L3MBTL4: variants seen among roughly 807,000 people sequenced by gnomAD.
L3MBTL4 encodes the protein L3MBTL histone methyl-lysine binding protein 4.
L3MBTL4 carries 70 observed loss-of-function variants against 84.5 expected under a neutral mutation model. That is an observed-to-expected ratio of 0.83 (90% CI 0.68 to 1.01). The LOEUF is 1.01. Among genes scored for constraint, L3MBTL4 ranks in the 50% least tolerant of loss-of-function variants. L3MBTL4 has a pLI of 0.00. For missense variants in L3MBTL4, 715 were observed against 754.8 expected (o/e 0.95, Z 0.62); for synonymous variants, 274 against 259.8 (o/e 1.05, Z -0.52).
At chr18:6,017,386 C>T (rs1188846960) in intron 16 of L3MBTL4, among the ~76,000 whole-genome samples, 2 of 152,196 alleles carry the variant, frequency 1.3e-5, no homozygotes, top group African/African-American at 4.8e-5. Context: ...TTGACACTGA[C>T]GCTGAGTCAC....
At chr18:6,106,612 G>A (rs1301680117) in intron 14 of L3MBTL4, among the ~76,000 whole-genome samples, 1 of 152,188 alleles carries the variant, frequency 6.6e-6, no homozygotes, top group Non-Finnish European at 1.5e-5. Flanking sequence ...GAAGAAAATA[G>A]AGAAGAGAGA....
intron 4 of L3MBTL4, among the ~76,000 whole-genome samples, chr18:6,292,280 GT>G (rs1228639953): frequency 6.6e-6 from 1 of 152,052 alleles, no homozygotes; most frequent in African/African-American, 2.4e-5. Flanking sequence ...TAGGTTTGAG[GT>G]TTTGAATTAT....
At chr18:6,303,585 G>A (rs1468332437) in intron 3 of L3MBTL4, among the ~76,000 whole-genome samples, 1 of 152,122 alleles carries the variant, frequency 6.6e-6, no homozygotes, top group Non-Finnish European at 1.5e-5. Context: ...ATAGTTTTGG[G>A]ATAGATCTTT....
intron 1 of L3MBTL4, among the ~76,000 whole-genome samples, chr18:6,325,348 A>C (rs1006586921): frequency 6.6e-6 from 1 of 152,172 alleles, no homozygotes; most frequent in African/African-American, 2.4e-5. Context: ...AAGCCAAAAG[A>C]CTATATACTA....
chr18:6,257,529 G>A (rs1000231248), intron 5 of L3MBTL4, among the ~76,000 whole-genome samples: 2 of 152,040 alleles, frequency 1.3e-5, no homozygotes, highest in Non-Finnish European at 2.9e-5. Context: ...AGATGAGTTA[G>A]GGAGGAAAAT....
At chr18:6,380,460 A>G (rs1223978216) in intron 1 of L3MBTL4, among the ~76,000 whole-genome samples, 1 of 152,162 alleles carries the variant, frequency 6.6e-6, no homozygotes, top group Non-Finnish European at 1.5e-5. Flanking sequence ...ATTTAGTGCT[A>G]TACATTTCCC....
chr18:6,196,307 G>A (rs7506138), intron 12 of L3MBTL4, among the ~76,000 whole-genome samples: 2,218 of 151,940 alleles, frequency 0.015, 26 homozygotes, highest in African/African-American at 0.031. Context: ...ACAGGCGCCC[G>A]CCACCACGCC....
intron 16 of L3MBTL4, among the ~76,000 whole-genome samples, chr18:6,070,609 G>A (rs1317017621): frequency 6.6e-6 from 1 of 151,186 alleles, no homozygotes; most frequent in African/African-American, 2.4e-5. Flanking sequence ...TTGAACCCAG[G>A]AGTTTGAGAA....
intron 12 of L3MBTL4, among the ~76,000 whole-genome samples, chr18:6,193,802 G>A (rs2045244753): frequency 6.6e-6 from 1 of 152,144 alleles, no homozygotes; most frequent in South Asian, 2.1e-4. Context: ...CATAGTCCAG[G>A]CATATGGGCC....
chr18:6,265,332 G>A (rs2048583984), intron 4 of L3MBTL4, among the ~76,000 whole-genome samples: 1 of 152,034 alleles, frequency 6.6e-6, no homozygotes. Context: ...AACAAAAGCT[G>A]GCAAAAAGGA....
At position 5,963,783 on chromosome 18, in the gene L3MBTL4, T is replaced by C. The variant is rs148698023; in HGVS notation, c.1615-3627A>G. The stretch of plus-strand genomic sequence containing the variant: ...TCAATGAAAGTGGTGAGCTTTAGCA[T>C]AGAATAGAGTAATATCAAGAAGTTT... On this transcript the variant is annotated intron_variant, in intron 17 of 18. Transcript: ENST00000317931. Among the ~76,000 whole-genome samples, 48 of 152,360 alleles carry C rather than the reference T, an allele frequency of 3.2e-4. 1 individual carries two copies. In the East Asian group the frequency reaches 9.1e-3, roughly 29 times the overall value.
intron 1 of L3MBTL4, among the ~76,000 whole-genome samples, chr18:6,357,148 C>T (rs947766754): frequency 1.3e-5 from 2 of 152,138 alleles, no homozygotes; most frequent in Non-Finnish European, 2.9e-5. Context: ...AGTTAGCTCC[C>T]ACCTGAAACC....
chr18:5,977,056 G>A (rs893991259), intron 16 of L3MBTL4, among the ~76,000 whole-genome samples: 1 of 152,072 alleles, frequency 6.6e-6, no homozygotes, highest in Non-Finnish European at 1.5e-5. Context: ...GGCTCCGGCT[G>A]TCAGGCTTTA....
At chr18:6,256,392 C>G (rs2048140523) in intron 5 of L3MBTL4, among the ~76,000 whole-genome samples, 3 of 151,994 alleles carry the variant, frequency 2.0e-5, no homozygotes, top group Admixed American at 2.0e-4. Flanking sequence ...ATAAGGCTGT[C>G]TTGTTTCTAG....
At chr18:6,345,409 CAAACAAACAAACAAAA>C (rs1568528680) in intron 1 of L3MBTL4, among the ~76,000 whole-genome samples, 1 of 150,502 alleles carries the variant, frequency 6.6e-6, no homozygotes, top group African/African-American at 2.4e-5. Flanking sequence ...AACAAACAAA[CAAACAAACAAACAAAA>C]AAAACCATAA....
At chr18:5,997,970 C>T (rs2054052874) in intron 16 of L3MBTL4, among the ~76,000 whole-genome samples, 1 of 152,154 alleles carries the variant, frequency 6.6e-6, no homozygotes, top group Admixed American at 6.5e-5. Context: ...ATAAGAGCCA[C>T]AGAGATTTTT....
At chr18:6,048,836 C>T (rs1389242915) in intron 16 of L3MBTL4, among the ~76,000 whole-genome samples, 1 of 151,384 alleles carries the variant, frequency 6.6e-6, no homozygotes, top group African/African-American at 2.4e-5. Flanking sequence ...CAGTGTATAC[C>T]TCCAGCCATG....
chr18:6,181,103 G>A (rs1489777985), intron 12 of L3MBTL4, among the ~76,000 whole-genome samples: 1 of 152,032 alleles, frequency 6.6e-6, no homozygotes, highest in Non-Finnish European at 1.5e-5. Flanking sequence ...CAGGGAGGTA[G>A]GACTGGGGAA....
chr18:6,020,453 A>G (rs1785237), intron 16 of L3MBTL4, among the ~76,000 whole-genome samples: 11 of 152,020 alleles, frequency 7.2e-5, no homozygotes, highest in Admixed American at 5.9e-4. Context: ...ATTCTGAGGC[A>G]GCTGGAGAGG....
Sources: allele counts gnomAD v4.1 joint callset (sites outside exome capture counted in the v4.1 genomes callset), GRCh38; gene constraint gnomAD v4.1.1; transcripts MANE v1.5; gene names NCBI Gene and HGNC (gene_info 2026-07-23, HGNC 2026-07-21).